GABRB3: variants seen among roughly 807,000 people sequenced by gnomAD.
GABRB3 encodes gamma-aminobutyric acid receptor subunit beta-3.
GABRB3 carries 14 observed loss-of-function variants against 52.1 expected under a neutral mutation model. That is an observed-to-expected ratio of 0.27 (90% confidence interval 0.18 to 0.42). The LOEUF (loss-of-function observed/expected upper bound fraction) is 0.42, where lower values mean the gene tolerates loss of function less well. Ranked by LOEUF, GABRB3 falls within the 10% of genes least tolerant of loss-of-function variation. The pLI, the probability that GABRB3 is intolerant of heterozygous loss-of-function variation, is 1.00. For synonymous variants in GABRB3, 260 were observed against 232.3 expected (o/e 1.12, Z -1.08); for missense variants, 307 against 609.1 (o/e 0.50, Z 5.22).
At chr15:26,582,435 A>C (rs1480665174) in intron 5 of GABRB3, among the ~76,000 whole-genome samples, 1 of 152,178 alleles carries the variant, frequency 6.6e-6, no homozygotes, top group Non-Finnish European at 1.5e-5. Context: ...TCTGTCCTCT[A>C]AGGTAAAAGT....
intron 3 of GABRB3, among the ~76,000 whole-genome samples, chr15:26,691,990 T>C (rs1435205463): frequency 6.6e-6 from 1 of 152,222 alleles, no homozygotes; most frequent in Non-Finnish European, 1.5e-5. Context: ...CAAGTGGCTG[T>C]GATTAGAATT....
chr15:26,649,389 C>T (rs1887121996), intron 3 of GABRB3, among the ~76,000 whole-genome samples: 1 of 152,148 alleles, frequency 6.6e-6, no homozygotes, highest in African/African-American at 2.4e-5. Context: ...AAAAGCAGAC[C>T]GTAGTCCTCA....
chr15:26,580,229 CTG>C, intron 6 of GABRB3, 88 bp downstream of exon 6: 1 of 1,467,492 alleles, frequency 6.8e-7, no homozygotes, highest in East Asian at 2.3e-5. Flanking sequence ...TGATCCTGTG[CTG>C]TGAGTCTATG....
chr15:26,567,560 T>C, intron 7 of GABRB3, 21 bp downstream of exon 7: 1 of 1,610,162 alleles, frequency 6.2e-7, no homozygotes, highest in Non-Finnish European at 8.5e-7. Context: ...CATTTAAATA[T>C]CACTTAAAAA....
intron 3 of GABRB3, among the ~76,000 whole-genome samples, chr15:26,698,327 A>G (rs570495628): frequency 2.0e-5 from 3 of 152,344 alleles, no homozygotes; most frequent in Admixed American, 6.5e-5. Context: ...TATTGCCAAA[A>G]GATGTATTTA....
chr15:26,571,822 G>C (rs75834750), intron 6 of GABRB3, among the ~76,000 whole-genome samples: 2,208 of 152,196 alleles, frequency 0.015, 41 homozygotes, highest in African/African-American at 0.048. Flanking sequence ...AGTCAAGGCA[G>C]GTGAATCGCG....
chr15:26,561,311 T>C, intron 7 of GABRB3, 135 bp from the exon 8 acceptor site: 1 of 1,218,588 alleles, frequency 8.2e-7, no homozygotes, highest in Non-Finnish European at 1.2e-6. Context: ...GTGACTGGAA[T>C]GCAACAGAGC....
chr15:26,689,300 G>T lies in GABRB3; in HGVS notation c.241-67766C>A, dbSNP rs1888505328. 3.3e-5 allele frequency among the ~76,000 whole-genome samples: 5 copies of T among 152,104 alleles called. No homozygotes were observed. In the South Asian group the frequency reaches 1.0e-3, roughly 31 times the overall value. ...CAATCACACCTGTCACCTGGAGAAT[G>T]ACAAGGTTCATAAACCTGAAAAAGA... On this transcript the variant is annotated intron_variant, in intron 3 of 8. Transcript: ENST00000311550.
intron 3 of GABRB3, among the ~76,000 whole-genome samples, chr15:26,629,466 A>T (rs1041749934): frequency 3.3e-5 from 5 of 152,174 alleles, no homozygotes; most frequent in Non-Finnish European, 7.3e-5. Flanking sequence ...CTGTGGCACA[A>T]CCAGCCTTAT....
chr15:26,737,428 A>C (rs1890093137), intron 3 of GABRB3, among the ~76,000 whole-genome samples: 1 of 152,234 alleles, frequency 6.6e-6, no homozygotes, highest in Non-Finnish European at 1.5e-5. Context: ...CAATGGAAAG[A>C]GACTCTTCCT....
chr15:26,620,286 G>A (rs1243537634), intron 4 of GABRB3, among the ~76,000 whole-genome samples: 1 of 152,090 alleles, frequency 6.6e-6, no homozygotes, highest in Non-Finnish European at 1.5e-5. Context: ...TCTCTATACT[G>A]CGGTTCTGAG....
chr15:26,554,144 G>GTATATATATATATATATAAAATA (rs547570760), intron 8 of GABRB3, among the ~76,000 whole-genome samples: 1 of 32,302 alleles, frequency 3.1e-5, no homozygotes, highest in Non-Finnish European at 6.0e-5. Flanking sequence ...TATATATAAA[G>GTATATATATATATATATAAAATA]TATATATATA....
intron 3 of GABRB3, among the ~76,000 whole-genome samples, chr15:26,631,039 T>C (rs1892899584): frequency 6.6e-6 from 1 of 152,218 alleles, no homozygotes; most frequent in African/African-American, 2.4e-5. Flanking sequence ...GCTCCCTGTT[T>C]TGGAGCCACA....
chr15:26,614,390 T>C lies in GABRB3; in HGVS notation c.461+6924A>G, dbSNP rs867614100. The C allele has an allele frequency of 3.3e-5, 5 of 152,154 alleles. 1 individual carries two copies. In the South Asian group the frequency reaches 1.0e-3, roughly 32 times the overall value. The allele number at this position is 152,154 out of a possible 1,614,324, so 9.4% of individuals were successfully genotyped here. On this transcript the variant is annotated intron_variant, in intron 4 of 8. Coordinates refer to ENST00000311550, the MANE Select transcript of GABRB3 (RefSeq NM_000814.6). ...AGAATTTAAAGTGAGTCAGGCAATC[T>C]TCACCAGCTTTGAGAGATGAAGAAA...
At position 26,653,726 on chromosome 15, in the gene GABRB3, G is replaced by A. The variant is rs565298173; in HGVS notation, c.241-32192C>T. On this transcript the variant is annotated intron_variant, in intron 3 of 8. Coordinates refer to ENST00000311550, the MANE Select transcript of GABRB3 (RefSeq NM_000814.6). ...ACAGTTAGGTCAGATCTTTTTCACCGTCATAATTTTCTTACTGTCATAATT... is the reference window on the plus strand; with the variant it reads ...ACAGTTAGGTCAGATCTTTTTCACCATCATAATTTTCTTACTGTCATAATT... Among the ~76,000 whole-genome samples, 96 of 152,254 alleles carry A rather than the reference G, an allele frequency of 6.3e-4. No individual in the cohort carries two copies. The South Asian group carries it at 0.016, about 25-fold the overall frequency.
intron 3 of GABRB3, among the ~76,000 whole-genome samples, chr15:26,752,636 C>A (rs1302001765): frequency 2.6e-5 from 4 of 151,996 alleles, no homozygotes; most frequent in Non-Finnish European, 4.4e-5. Context: ...TTATGATGTA[C>A]CACATCAGGC....
In GABRB3 at chr15:26,600,939, C is replaced by T. The variant is rs79419872; in HGVS notation, c.462-17525G>A. ...CTACCATAAATTGTCAGGGAAAACACATCACGAAATGAGGTAAATTCTGAC... is the reference window on the plus strand; with the variant it reads ...CTACCATAAATTGTCAGGGAAAACATATCACGAAATGAGGTAAATTCTGAC... On this transcript the variant is annotated intron_variant, in intron 4 of 8. Coordinates refer to ENST00000311550, the MANE Select transcript of GABRB3 (RefSeq NM_000814.6). Among the ~76,000 whole-genome samples, 477 of 152,180 alleles carry T rather than the reference C, an allele frequency of 3.1e-3. 3 individuals are homozygous for T. Among genetic ancestry groups the T allele is most frequent in the African/African-American group, 0.011 (450 of 41,522 alleles).
At chr15:26,572,498 T>C (rs894698831) in intron 6 of GABRB3, among the ~76,000 whole-genome samples, 1 of 152,186 alleles carries the variant, frequency 6.6e-6, no homozygotes, top group Non-Finnish European at 1.5e-5. Flanking sequence ...ACGTAGTAGA[T>C]CTATTCTGCT....
intron 3 of GABRB3, among the ~76,000 whole-genome samples, chr15:26,682,756 G>A (rs1259572432): frequency 1.3e-5 from 2 of 152,216 alleles, no homozygotes; most frequent in Non-Finnish European, 2.9e-5. Context: ...TGAGGTGGGA[G>A]GACTTGAGGC....
Sources: allele counts gnomAD v4.1 joint callset (sites outside exome capture counted in the v4.1 genomes callset), GRCh38; gene constraint gnomAD v4.1.1; transcripts MANE v1.5; gene names NCBI Gene and HGNC (gene_info 2026-07-23, HGNC 2026-07-21).